Variants in LTBP1 observed in about 807,000 individuals in gnomAD.
The protein encoded by LTBP1 is latent-transforming growth factor beta-binding protein 1.
A neutral mutation model predicts 207.6 loss-of-function variants in LTBP1; 129 were observed. That is an observed-to-expected ratio of 0.62 (90% CI 0.54 to 0.72). The LOEUF (loss-of-function observed/expected upper bound fraction) is 0.72. Among genes scored for constraint, LTBP1 ranks in the 30% least tolerant of loss-of-function variants. LTBP1 has a pLI of 0.00. For synonymous variants in LTBP1, 963 were observed against 833.7 expected (o/e 1.16, Z -2.67); for missense variants, 2,281 against 2,217.2 (o/e 1.03, Z -0.58).
intron 9 of LTBP1, among the ~76,000 whole-genome samples, chr2:33,233,536 C>G (rs2091899232): frequency 6.6e-6 from 1 of 152,046 alleles, no homozygotes; most frequent in Admixed American, 6.6e-5. Context: ...AGTTTCTTAG[C>G]AAACAAGCAT....
chr2:33,213,793 C>A (rs1304726069), intron 7 of LTBP1, among the ~76,000 whole-genome samples: 3 of 152,184 alleles, frequency 2.0e-5, no homozygotes, highest in Non-Finnish European at 4.4e-5. Flanking sequence ...TTATACTGTG[C>A]AGACCCAGTT....
At chr2:33,380,743 A>C (rs1249291406) in intron 31 of LTBP1, among the ~76,000 whole-genome samples, 1 of 152,180 alleles carries the variant, frequency 6.6e-6, no homozygotes, top group East Asian at 1.9e-4. Flanking sequence ...GACTTTTTAA[A>C]AATTGCAGTG....
At chr2:33,179,368 A>T (rs115022419) in intron 5 of LTBP1, among the ~76,000 whole-genome samples, 2,262 of 152,260 alleles carry the variant, frequency 0.015, 23 homozygotes, top group East Asian at 0.027. Context: ...AGTTCTTGTG[A>T]TATATAAAAT....
At chr2:32,947,860 G>T (rs1558421757) in intron 1 of LTBP1, 42 bp downstream of exon 1, 1 of 1,273,384 alleles carries the variant, frequency 7.9e-7, no homozygotes, top group East Asian at 3.2e-5. Context: ...CGCCTCGCGC[G>T]CACCGCCCGC....
In LTBP1 at chr2:33,064,150, G is replaced by A. The variant is rs186862295; in HGVS notation, c.863+42944G>A. 3.9e-5 allele frequency among the ~76,000 whole-genome samples: 6 copies of A among 152,290 alleles called. No homozygotes were observed. The East Asian group carries it at 1.2e-3, about 29-fold the overall frequency. On this transcript the variant is annotated intron_variant, in intron 3 of 33. Coordinates refer to ENST00000404816, the MANE Select transcript of LTBP1 (RefSeq NM_206943.4). ...TTACAGGCGTGAGCCACTGCACCCAGCCTCTAAGTATTGTATATTGTTTAC... is the reference window on the plus strand; with the variant it reads ...TTACAGGCGTGAGCCACTGCACCCAACCTCTAAGTATTGTATATTGTTTAC...
At chr2:33,160,122 G>A (rs1347861800) in intron 5 of LTBP1, among the ~76,000 whole-genome samples, 3 of 152,214 alleles carry the variant, frequency 2.0e-5, no homozygotes, top group East Asian at 1.9e-4. Flanking sequence ...CAAGTGGTCC[G>A]CCCACGTCGG....
chr2:32,957,575 A>C (rs1046438199), intron 2 of LTBP1, among the ~76,000 whole-genome samples: 1 of 152,174 alleles, frequency 6.6e-6, no homozygotes, highest in African/African-American at 2.4e-5. Context: ...AAACAATTAC[A>C]ATGGTAACAT....
At chr2:33,086,603 A>G (rs975468435) in intron 3 of LTBP1, among the ~76,000 whole-genome samples, 1 of 152,184 alleles carries the variant, frequency 6.6e-6, no homozygotes, top group African/African-American at 2.4e-5. Flanking sequence ...CTTTATTGCA[A>G]CTAGTGAACA....
Position 33,263,371 on chromosome 2 carries a change from A to G in LTBP1, c.2596A>G (p.Ile866Val). ...EASTSSASQV[I>V]APTQVTEINE... ...TTCTACGTCTAGTGCCAGCCAAGTGATTGCTCCTACTCAAGTGACAGGTTG... is the reference window on the plus strand; with the variant it reads ...TTCTACGTCTAGTGCCAGCCAAGTGGTTGCTCCTACTCAAGTGACAGGTTG... The change falls in exon 15 of 34, where the codon ATT becomes GTT. Residue 866 changes from isoleucine (I) to valine (V), a missense_variant. Coordinates refer to ENST00000404816, the MANE Select transcript of LTBP1 (RefSeq NM_206943.4). 6.2e-7 allele frequency: 1 copy of G among 1,613,708 alleles called. No homozygotes were observed. The highest frequency in any genetic ancestry group is 8.5e-7 in the Non-Finnish European group (1 of 1,179,782).
chr2:33,207,994 A>G (rs1573187819), intron 7 of LTBP1, among the ~76,000 whole-genome samples: 1 of 152,238 alleles, frequency 6.6e-6, no homozygotes, highest in Non-Finnish European at 1.5e-5. Context: ...TGATCCAACA[A>G]CCTGTTACAT....
intron 2 of LTBP1, among the ~76,000 whole-genome samples, chr2:32,952,835 G>T (rs1234872241): frequency 6.6e-6 from 1 of 152,194 alleles, no homozygotes; most frequent in Non-Finnish European, 1.5e-5. Context: ...GGCTGGGCTG[G>T]CAGGGTTATG....
At chr2:32,996,548 G>A (rs1685302422) in intron 2 of LTBP1, among the ~76,000 whole-genome samples, 1 of 152,178 alleles carries the variant, frequency 6.6e-6, no homozygotes, top group Admixed American at 6.5e-5. Flanking sequence ...TGCTGGGGGT[G>A]CAGTGGTGAT....
At chr2:33,156,981 A>G (rs976779510) in intron 5 of LTBP1, among the ~76,000 whole-genome samples, 3 of 152,200 alleles carry the variant, frequency 2.0e-5, no homozygotes, top group Admixed American at 1.3e-4. Context: ...AGAAATTTAC[A>G]AACTTGACAG....
intron 9 of LTBP1, among the ~76,000 whole-genome samples, chr2:33,231,333 A>G (rs1450245390): frequency 6.6e-6 from 1 of 152,230 alleles, no homozygotes; most frequent in African/African-American, 2.4e-5. Context: ...AATACTCATT[A>G]CCAAAACTTT....
intron 3 of LTBP1, among the ~76,000 whole-genome samples, chr2:33,077,666 A>G (rs1049015705): frequency 3.3e-5 from 5 of 152,154 alleles, no homozygotes; most frequent in African/African-American, 1.2e-4. Context: ...CCCACCTCCA[A>G]TATTGGGGAT....
intron 3 of LTBP1, among the ~76,000 whole-genome samples, chr2:33,030,002 T>C (rs1419538079): frequency 6.6e-6 from 1 of 152,332 alleles, no homozygotes; most frequent in South Asian, 2.1e-4. Context: ...GACTGTCTAC[T>C]GTAGACACAG....
intron 3 of LTBP1, among the ~76,000 whole-genome samples, chr2:33,064,499 T>C (rs1200486425): frequency 6.6e-6 from 1 of 152,158 alleles, no homozygotes; most frequent in Non-Finnish European, 1.5e-5. Flanking sequence ...TCCCTAAGCT[T>C]CATGGGGTAA....
At chr2:33,194,137 C>A (rs2088258323) in intron 7 of LTBP1, among the ~76,000 whole-genome samples, 1 of 152,098 alleles carries the variant, frequency 6.6e-6, no homozygotes, top group African/African-American at 2.4e-5. Flanking sequence ...CAGGCGCCCG[C>A]CACCACGCCC....
At chr2:33,144,384 C>T (rs1393164670) in intron 5 of LTBP1, among the ~76,000 whole-genome samples, 1 of 152,166 alleles carries the variant, frequency 6.6e-6, no homozygotes, top group Non-Finnish European at 1.5e-5. Flanking sequence ...ATTGTAGCAC[C>T]ATGTCCTCTC....
Sources: allele counts gnomAD v4.1 joint callset (sites outside exome capture counted in the v4.1 genomes callset), GRCh38; gene constraint gnomAD v4.1.1; transcripts MANE v1.5; gene names NCBI Gene and HGNC (gene_info 2026-07-23, HGNC 2026-07-21).